The following DKK2 variants were observed in gnomAD, a reference collection of about 807,000 sequenced individuals.
DKK2 encodes the protein dickkopf-related protein 2.
Under a neutral mutation model 28.1 loss-of-function variants are expected in DKK2, and 11 were observed. That is an observed-to-expected ratio of 0.39 (90% CI 0.25 to 0.65). The LOEUF is 0.65. Ranked by LOEUF, DKK2 falls within the 30% of genes least tolerant of loss-of-function variation. DKK2 has a pLI of 0.47. For missense variants in DKK2, 326 were observed against 335.5 expected (o/e 0.97, Z 0.22); for synonymous variants, 135 against 126.5 (o/e 1.07, Z -0.45).
chr4:107,012,123 T>C (rs886767595), intron 1 of DKK2, among the ~76,000 whole-genome samples: 4 of 151,320 alleles, frequency 2.6e-5, no homozygotes, highest in African/African-American at 9.7e-5. Context: ...CAAGCAAATT[T>C]ATCCAAAGCT....
At chr4:106,942,634 T>C (rs1054009789) in intron 1 of DKK2, among the ~76,000 whole-genome samples, 3 of 152,078 alleles carry the variant, frequency 2.0e-5, no homozygotes, top group African/African-American at 7.2e-5. Flanking sequence ...TTGAGATACA[T>C]AACACATAAT....
intron 1 of DKK2, among the ~76,000 whole-genome samples, chr4:106,949,620 C>G (rs779359839): frequency 1.3e-5 from 2 of 152,128 alleles, no homozygotes; most frequent in Non-Finnish European, 2.9e-5. Flanking sequence ...TCAGATGTAG[C>G]TTTACACATA....
At chr4:106,935,863 C>T (rs955699483) in intron 1 of DKK2, among the ~76,000 whole-genome samples, 8 of 152,328 alleles carry the variant, frequency 5.3e-5, no homozygotes, top group South Asian at 4.1e-4. Context: ...CACACTGACA[C>T]CTCACACGGC....
rs181571984 is a variant in DKK2 at position 106,970,024 on chromosome 4, C to T, written c.223-44075G>A. ...TCAACCACTGTCATTATTTTTAACA[C>T]AACATGTATTTCAAGCTTGGAGCAA... On this transcript the variant is annotated intron_variant, in intron 1 of 3. Transcript: ENST00000285311. Among the ~76,000 whole-genome samples the T allele has an allele frequency of 1.5e-3, 221 of 152,202 alleles. 1 individual carries two copies. Among genetic ancestry groups the T allele is most frequent in the Admixed American group, 2.3e-3 (35 of 15,260 alleles).
chr4:106,945,425 C>G (rs562730050), intron 1 of DKK2, among the ~76,000 whole-genome samples: 1 of 152,014 alleles, frequency 6.6e-6, no homozygotes, highest in African/African-American at 2.4e-5. Context: ...GAGTAATCAG[C>G]CAGTTACTGG....
At chr4:106,944,159 T>A (rs966818873) in intron 1 of DKK2, among the ~76,000 whole-genome samples, 2 of 152,086 alleles carry the variant, frequency 1.3e-5, no homozygotes, top group Non-Finnish European at 2.9e-5. Context: ...CTTGATACAC[T>A]TTAGTCACAG....
chr4:106,936,138 G>T (rs1477582066), intron 1 of DKK2, among the ~76,000 whole-genome samples: 1 of 152,196 alleles, frequency 6.6e-6, no homozygotes, highest in Admixed American at 6.5e-5. Flanking sequence ...CGAGCTGAGA[G>T]AAGAAGGCTT....
intron 1 of DKK2, among the ~76,000 whole-genome samples, chr4:106,988,459 C>T (rs1723157492): frequency 1.3e-5 from 2 of 152,218 alleles, no homozygotes; most frequent in Admixed American, 6.5e-5. Flanking sequence ...TTATTATGTA[C>T]CCAAAAGATT....
intron 1 of DKK2, among the ~76,000 whole-genome samples, chr4:106,975,083 G>A (rs1722922918): frequency 6.6e-6 from 1 of 152,182 alleles, no homozygotes; most frequent in African/African-American, 2.4e-5. Flanking sequence ...TGCATCCCAG[G>A]GATGAAGCCA....
chr4:106,996,751 T>G (rs1723277338), intron 1 of DKK2, among the ~76,000 whole-genome samples: 1 of 152,218 alleles, frequency 6.6e-6, no homozygotes, highest in South Asian at 2.1e-4. Context: ...TTCCTGCTTC[T>G]CTGAAAAACG....
intron 1 of DKK2, among the ~76,000 whole-genome samples, chr4:106,987,991 C>G (rs552115499): frequency 6.6e-6 from 1 of 151,762 alleles, no homozygotes; most frequent in Non-Finnish European, 1.5e-5. Flanking sequence ...CAGCCTCCTG[C>G]GTAGCTGGGA....
At chr4:107,001,328 G>A (rs767614568) in intron 1 of DKK2, among the ~76,000 whole-genome samples, 1 of 152,090 alleles carries the variant, frequency 6.6e-6, no homozygotes, top group Non-Finnish European at 1.5e-5. Flanking sequence ...CCAGAGCTGC[G>A]AGAAAATAAA....
chr4:106,966,476 T>G (rs773345978), intron 1 of DKK2, among the ~76,000 whole-genome samples: 5 of 152,204 alleles, frequency 3.3e-5, no homozygotes, highest in Non-Finnish European at 5.9e-5. Flanking sequence ...CCTAAGAATG[T>G]ATTTGTATTT....
chr4:107,008,771 C>T (rs1222523701), intron 1 of DKK2, among the ~76,000 whole-genome samples: 1 of 151,920 alleles, frequency 6.6e-6, no homozygotes, highest in African/African-American at 2.4e-5. Context: ...TAGGCTTACA[C>T]TTGTTTCCAA....
chr4:106,936,510 G>A (rs1471143597), intron 1 of DKK2, among the ~76,000 whole-genome samples: 1 of 152,190 alleles, frequency 6.6e-6, no homozygotes, highest in Admixed American at 6.5e-5. Flanking sequence ...TGAAAGGGAT[G>A]GGGAGAATGG....
intron 1 of DKK2, among the ~76,000 whole-genome samples, chr4:106,975,275 T>G (rs1722925818): frequency 6.6e-6 from 1 of 152,134 alleles, no homozygotes. Flanking sequence ...TTAGTGAGGA[T>G]TTCCTGTTTT....
At chr4:107,025,452 T>C (rs1723764357) in intron 1 of DKK2, among the ~76,000 whole-genome samples, 1 of 152,214 alleles carries the variant, frequency 6.6e-6, no homozygotes, top group Admixed American at 6.5e-5. Flanking sequence ...TTTGAAACTT[T>C]TTTTAGGAGT....
chr4:106,922,184 T>C lies in DKK2; in HGVS notation c.*1770A>G, dbSNP rs1351751182. The C allele has an allele frequency of 6.6e-6, 1 of 152,426 alleles. No individual in the cohort carries two copies. Among genetic ancestry groups the C allele is most frequent in the Non-Finnish European group, 1.5e-5 (1 of 68,020 alleles). The allele number at this position is 152,426 out of a possible 1,614,324, so 9.4% of individuals were successfully genotyped here. ...GCAGAAAATGTAAGTCTTAATCATC[T>C]TAGTAAATATATGTGGGAAGTTGAA... On this transcript the variant is annotated 3_prime_UTR_variant, in exon 4 of 4. Transcript: ENST00000285311.
chr4:106,939,489 C>G (rs975457596), intron 1 of DKK2, among the ~76,000 whole-genome samples: 4 of 152,198 alleles, frequency 2.6e-5, no homozygotes, highest in Admixed American at 2.6e-4. Context: ...ACATTCCATG[C>G]TCATGGGTAG....
Sources: allele counts gnomAD v4.1 joint callset (sites outside exome capture counted in the v4.1 genomes callset), GRCh38; gene constraint gnomAD v4.1.1; transcripts MANE v1.5; gene names NCBI Gene and HGNC (gene_info 2026-07-23, HGNC 2026-07-21).